NIM1K: variants seen among roughly 807,000 people sequenced by gnomAD.
NIM1K encodes the protein NIM1 serine/threonine protein kinase.
In NIM1K, 35 loss-of-function variants were observed where a neutral mutation model predicts 37.1. That is an observed-to-expected ratio of 0.94 (90% CI 0.72 to 1.25). The LOEUF (loss-of-function observed/expected upper bound fraction) is 1.25, where lower values mean the gene tolerates loss of function less well. Among genes scored for constraint, NIM1K ranks in the 50% most tolerant of loss-of-function variants. The probability of loss-of-function intolerance (pLI) is 0.00; values close to 1 mark genes in which losing one functional copy is unlikely to be tolerated. For synonymous variants in NIM1K, 234 were observed against 206.6 expected, an observed-to-expected ratio of 1.13 and a Z score of -1.14; for missense variants, 564 against 548.0, an observed-to-expected ratio of 1.03 and a Z score of -0.29.
At chr5:43,231,535 G>A (rs1752539083) in intron 1 of NIM1K, among the ~76,000 whole-genome samples, 2 of 126,636 alleles carry the variant, frequency 1.6e-5, no homozygotes, top group Middle Eastern at 4.1e-3. Context: ...TATATATGAA[G>A]ATTTTTTAAA....
chr5:43,249,873 G>C (rs975279701), intron 2 of NIM1K, among the ~76,000 whole-genome samples: 1 of 102,180 alleles, frequency 9.8e-6, no homozygotes, highest in East Asian at 2.8e-4. Flanking sequence ...TTTTTTTTGA[G>C]ATGGAGTCTC....
intron 2 of NIM1K, among the ~76,000 whole-genome samples, chr5:43,248,621 G>GGA (rs935811639): frequency 2.0e-5 from 3 of 151,798 alleles, no homozygotes; most frequent in East Asian, 1.9e-4. Flanking sequence ...AGAGAGAGAG[G>GGA]GAGAGAGAGA....
At chr5:43,235,096 C>T (rs2112248439) in intron 1 of NIM1K, among the ~76,000 whole-genome samples, 1 of 152,262 alleles carries the variant, frequency 6.6e-6, no homozygotes, top group East Asian at 1.9e-4. Flanking sequence ...AACAAAAATG[C>T]TTCCAGAATA....
chr5:43,232,155 C>T (rs753167026), intron 1 of NIM1K: 18 of 996,482 alleles, frequency 1.8e-5, no homozygotes, highest in Non-Finnish European at 2.6e-5. Flanking sequence ...AGATGATACA[C>T]TTGGTCTTGA....
chr5:43,250,349 C>T (rs1004080079), intron 2 of NIM1K, among the ~76,000 whole-genome samples: 1 of 152,114 alleles, frequency 6.6e-6, no homozygotes, highest in South Asian at 2.1e-4. Context: ...AATTCTTTAA[C>T]TTAGCCACTA....
intron 1 of NIM1K, among the ~76,000 whole-genome samples, chr5:43,224,712 T>TTC (rs1752428353): frequency 6.6e-6 from 1 of 151,558 alleles, no homozygotes; most frequent in Non-Finnish European, 1.5e-5. Flanking sequence ...TTTTTTTTTT[T>TTC]TTGAGACAGC....
intron 2 of NIM1K, among the ~76,000 whole-genome samples, chr5:43,259,151 C>T (rs1470754551): frequency 6.6e-6 from 1 of 152,130 alleles, no homozygotes; most frequent in Non-Finnish European, 1.5e-5. Flanking sequence ...TTTACCCACT[C>T]ATTGGTTGGT....
intron 2 of NIM1K, among the ~76,000 whole-genome samples, chr5:43,276,738 A>G (rs1651422569): frequency 6.6e-6 from 1 of 152,224 alleles, no homozygotes; most frequent in African/African-American, 2.4e-5. Context: ...GGAATGATGG[A>G]CAGTGAGGCT....
At chr5:43,262,649 A>G (rs1292096029) in intron 2 of NIM1K, among the ~76,000 whole-genome samples, 1 of 152,084 alleles carries the variant, frequency 6.6e-6, no homozygotes, top group East Asian at 1.9e-4. Context: ...ACTATGTTGA[A>G]TAGGAGTGGT....
At chr5:43,199,771 T>C (rs1751991621) in intron 1 of NIM1K, among the ~76,000 whole-genome samples, 1 of 152,198 alleles carries the variant, frequency 6.6e-6, no homozygotes, top group Non-Finnish European at 1.5e-5. Context: ...TGACGTTGAG[T>C]GAGCCAGGCT....
At chr5:43,268,658 A>C (rs1753206512) in intron 2 of NIM1K, among the ~76,000 whole-genome samples, 1 of 152,236 alleles carries the variant, frequency 6.6e-6, no homozygotes, top group Admixed American at 6.5e-5. Context: ...TGACCTCTGG[A>C]ATAATGGCTG....
In NIM1K at chr5:43,266,107, C is replaced by A. The variant is rs149791612; in HGVS notation, c.293-10950C>A. Among the ~76,000 whole-genome samples, 947 of 152,334 alleles carry A rather than the reference C, an allele frequency of 6.2e-3. 16 individuals carry two copies. The highest frequency in any genetic ancestry group is 0.022 in the African/African-American group (913 of 41,572). The stretch of plus-strand genomic sequence containing the variant: ...GGAGGAAGTCTGTCCGTTCTCAGAT[C>A]TCACACTCTGTGCTGGGAGAACCAC... On this transcript the variant is annotated intron_variant, in intron 2 of 3. Coordinates refer to ENST00000326035, the MANE Select transcript of NIM1K (RefSeq NM_153361.4).
intron 3 of NIM1K, among the ~76,000 whole-genome samples, chr5:43,278,698 G>A (rs984877648): frequency 3.9e-5 from 6 of 152,190 alleles, no homozygotes; most frequent in Admixed American, 3.3e-4. Flanking sequence ...CTCATTACAT[G>A]CCAGGCACTG....
intron 2 of NIM1K, among the ~76,000 whole-genome samples, chr5:43,247,129 A>G (rs879851830): frequency 6.6e-6 from 1 of 151,982 alleles, no homozygotes; most frequent in Non-Finnish European, 1.5e-5. Context: ...CTCCACATAC[A>G]TGTTTGCATA....
At chr5:43,213,220 TC>T (rs1421280541) in intron 1 of NIM1K, among the ~76,000 whole-genome samples, 1,681 of 63,158 alleles carry the variant, frequency 0.027, 50 homozygotes, top group African/African-American at 0.05. Flanking sequence ...TTTCTTTCTT[TC>T]TTTCCTTCTT....
chr5:43,224,594 A>G (rs1285607069), intron 1 of NIM1K, among the ~76,000 whole-genome samples: 2 of 152,106 alleles, frequency 1.3e-5, no homozygotes, highest in African/African-American at 2.4e-5. Context: ...CAAAATTAAT[A>G]TAAGTAGAGG....
chr5:43,198,199 CTTTCTTTCTCTTTCTT>C (rs1469659045), intron 1 of NIM1K, among the ~76,000 whole-genome samples: 153 of 51,280 alleles, frequency 3.0e-3, no homozygotes, highest in Middle Eastern at 0.012. Flanking sequence ...TTCTTTCTTT[CTTTCTTTCTCTTTCTT>C]TCTTTCTTTC....
At chr5:43,216,206 C>T (rs1752297921) in intron 1 of NIM1K, among the ~76,000 whole-genome samples, 1 of 151,968 alleles carries the variant, frequency 6.6e-6, no homozygotes, top group Non-Finnish European at 1.5e-5. Flanking sequence ...TCTGAAGACC[C>T]CAGGCATGGT....
intron 1 of NIM1K, among the ~76,000 whole-genome samples, chr5:43,204,976 A>G (rs1362018643): frequency 6.6e-6 from 1 of 152,138 alleles, no homozygotes; most frequent in Non-Finnish European, 1.5e-5. Context: ...AGCCTAGGTG[A>G]CAGAGGGAGA....
Sources: gnomAD v4.1 joint callset for allele counts (sites outside exome capture counted in the v4.1 genomes callset) on GRCh38, gnomAD v4.1.1 for gene constraint, MANE v1.5 for transcripts, NCBI Gene and HGNC (gene_info 2026-07-23, HGNC 2026-07-21) for gene names.